Variants in DLGAP1 observed in about 807,000 individuals in gnomAD.
The protein encoded by DLGAP1 is DLG associated protein 1, also known as disks large-associated protein 1.
In DLGAP1, 11 loss-of-function variants were observed where a neutral mutation model predicts 90.8. The observed-to-expected ratio is 0.12, with a 90% CI of 0.08 to 0.20. The LOEUF is 0.20. Among genes scored for constraint, DLGAP1 ranks in the 10% least tolerant of loss-of-function variants. The pLI is 1.00. For synonymous variants in DLGAP1, 558 were observed against 540.7 expected (o/e 1.03, Z -0.44); for missense variants, 1,050 against 1,333.8 (o/e 0.79, Z 3.31).
At chr18:4,061,191 G>T (rs1278773222) in intron 2 of DLGAP1, among the ~76,000 whole-genome samples, 1 of 152,164 alleles carries the variant, frequency 6.6e-6, no homozygotes, top group African/African-American at 2.4e-5. Flanking sequence ...ATGTACTTGA[G>T]ACTACTGGAA....
intron 4 of DLGAP1, among the ~76,000 whole-genome samples, chr18:3,814,779 C>T (rs1003070754): frequency 3.9e-5 from 6 of 152,158 alleles, no homozygotes; most frequent in African/African-American, 1.4e-4. Flanking sequence ...TTTGTCATTT[C>T]TTTGTGTTAC....
intron 1 of DLGAP1, among the ~76,000 whole-genome samples, chr18:4,396,751 G>A (rs2082451112): frequency 6.6e-6 from 1 of 152,180 alleles, no homozygotes; most frequent in South Asian, 2.1e-4. Flanking sequence ...GCCAGAAGGA[G>A]GGATGAGTCT....
At chr18:3,564,339 C>A (rs556412698) in intron 9 of DLGAP1, among the ~76,000 whole-genome samples, 3 of 152,016 alleles carry the variant, frequency 2.0e-5, no homozygotes, top group African/African-American at 7.2e-5. Context: ...GGATAAGGTG[C>A]CTGAAGGGGG....
chr18:4,102,640 A>G (rs73943819), intron 2 of DLGAP1, among the ~76,000 whole-genome samples: 3,113 of 152,206 alleles, frequency 0.02, 86 homozygotes, highest in African/African-American at 0.06. Flanking sequence ...CGCTTCCTTC[A>G]TCTCCCTTCA....
intron 3 of DLGAP1, among the ~76,000 whole-genome samples, chr18:3,973,669 T>C (rs1465945): frequency 0.4 from 60,148 of 152,070 alleles, 12,093 homozygotes; most frequent in Non-Finnish European, 0.42. Flanking sequence ...CCAATTTTTT[T>C]CCCTCAATTT....
At chr18:4,404,300 T>C (rs1449261551) in intron 1 of DLGAP1, among the ~76,000 whole-genome samples, 1 of 152,220 alleles carries the variant, frequency 6.6e-6, no homozygotes, top group Middle Eastern at 3.2e-3. Flanking sequence ...AATTCAGTTC[T>C]AGCTGAGTTT....
intron 1 of DLGAP1, among the ~76,000 whole-genome samples, chr18:4,425,695 G>C (rs1370744865): frequency 1.4e-4 from 22 of 152,136 alleles, no homozygotes; most frequent in Non-Finnish European, 2.9e-5. Context: ...ACAATGCAGT[G>C]ATCAAAATAG....
chr18:4,360,868 T>A (rs1012772142), intron 1 of DLGAP1, among the ~76,000 whole-genome samples: 4 of 152,020 alleles, frequency 2.6e-5, no homozygotes, highest in Non-Finnish European at 5.9e-5. Flanking sequence ...TAATCTCAGC[T>A]ACTCAGGAGG....
intron 2 of DLGAP1, among the ~76,000 whole-genome samples, chr18:4,035,911 T>G (rs1369323735): frequency 2.0e-5 from 3 of 152,036 alleles, no homozygotes; most frequent in African/African-American, 7.3e-5. Flanking sequence ...GACATTCGAT[T>G]CAATATTTAC....
chr18:4,116,747 G>A (rs182788248), intron 2 of DLGAP1, among the ~76,000 whole-genome samples: 200 of 152,116 alleles, frequency 1.3e-3, no homozygotes, highest in African/African-American at 4.7e-3. Flanking sequence ...ATTAGATATT[G>A]TTATCATACA....
rs1311370491 is a variant in DLGAP1 at position 3,496,044 on chromosome 18, A to G, written c.*3141T>C. On this transcript the variant is annotated 3_prime_UTR_variant, in exon 13 of 13. Transcript: ENST00000315677. ...ACACAGACCTGAAAGCAGTGCATTA[A>G]TTATTTTATTAATTTCTTCTTTTTA... The G allele has an allele frequency of 6.6e-6, 1 of 152,222 alleles. No individual in the cohort carries two copies. The highest frequency in any genetic ancestry group is 1.5e-5 in the Non-Finnish European group (1 of 68,038). The allele number at this position is 152,222 out of a possible 1,614,324, so 9.4% of individuals were successfully genotyped here. A position where few individuals can be genotyped will look rare whatever the true frequency, so the allele number is the denominator to read the frequency against.
At chr18:3,762,296 A>G (rs537461730) in intron 5 of DLGAP1, among the ~76,000 whole-genome samples, 68 of 152,344 alleles carry the variant, frequency 4.5e-4, no homozygotes, top group Non-Finnish European at 8.2e-4. Flanking sequence ...ATGAACCAGT[A>G]AGAAAAGAAA....
intron 2 of DLGAP1, among the ~76,000 whole-genome samples, chr18:4,012,592 T>G (rs960735122): frequency 6.6e-6 from 1 of 152,210 alleles, no homozygotes; most frequent in Non-Finnish European, 1.5e-5. Context: ...AAGAGAAAGC[T>G]GGTATTGCTG....
intron 10 of DLGAP1, among the ~76,000 whole-genome samples, chr18:3,530,076 A>G (rs1253302617): frequency 1.3e-5 from 2 of 152,216 alleles, no homozygotes; most frequent in Non-Finnish European, 2.9e-5. Context: ...CCATTAAAAG[A>G]AAACAACAGA....
chr18:3,519,704 G>A (rs978807710), intron 10 of DLGAP1, among the ~76,000 whole-genome samples: 3 of 152,126 alleles, frequency 2.0e-5, no homozygotes, highest in African/African-American at 4.8e-5. Flanking sequence ...TGAAGGGACC[G>A]CCTCTTGCCC....
intron 1 of DLGAP1, among the ~76,000 whole-genome samples, chr18:4,334,384 A>G (rs1280421211): frequency 6.6e-6 from 1 of 151,872 alleles, no homozygotes; most frequent in African/African-American, 2.4e-5. Flanking sequence ...AAGAAATGGG[A>G]TAACTCAACT....
chr18:4,014,605 T>G lies in DLGAP1; in HGVS notation c.-158-9404A>C, dbSNP rs984956492. Among the ~76,000 whole-genome samples, 15 of 152,322 alleles carry G rather than the reference T, an allele frequency of 9.8e-5. No individual in the cohort carries two copies. In the East Asian group the frequency reaches 2.9e-3, roughly 29 times the overall value. Reference sequence around the variant, plus strand: ...AATGTTTGGGGTGATAATATCTCAATTACTCTGATTTGATCATTACACATT... The same window carrying G: ...AATGTTTGGGGTGATAATATCTCAAGTACTCTGATTTGATCATTACACATT... On this transcript the variant is annotated intron_variant, in intron 2 of 12. Transcript: ENST00000315677.
At chr18:4,091,165 G>T (rs1417921238) in intron 2 of DLGAP1, among the ~76,000 whole-genome samples, 1 of 152,162 alleles carries the variant, frequency 6.6e-6, no homozygotes, top group Non-Finnish European at 1.5e-5. Flanking sequence ...GTGATGGGTT[G>T]ATAGGTTCAA....
At chr18:3,931,420 G>A (rs2072512956) in intron 3 of DLGAP1, among the ~76,000 whole-genome samples, 1 of 152,156 alleles carries the variant, frequency 6.6e-6, no homozygotes, top group African/African-American at 2.4e-5. Context: ...CAGAAGGGCA[G>A]GGGGTGGAAA....
Sources: allele counts gnomAD v4.1 joint callset (sites outside exome capture counted in the v4.1 genomes callset), GRCh38; gene constraint gnomAD v4.1.1; transcripts MANE v1.5; gene names NCBI Gene and HGNC (gene_info 2026-07-23, HGNC 2026-07-21).